GAP43: variants seen among roughly 807,000 people sequenced by gnomAD.
GAP43 encodes the protein growth associated protein 43.
Under a neutral mutation model 18.6 loss-of-function variants are expected in GAP43, and 6 were observed. The ratio of observed to expected loss-of-function variants is 0.32; its 90% confidence interval spans 0.18 to 0.64. The LOEUF is 0.64. Ranked by LOEUF, GAP43 falls within the 30% of genes least tolerant of loss-of-function variation. The pLI, the probability that GAP43 is intolerant of heterozygous loss-of-function variation, is 0.78. For missense variants in GAP43, 292 were observed against 295.5 expected (o/e 0.99, Z 0.09); for synonymous variants, 115 against 111.4 (o/e 1.03, Z -0.20).
chr3:115,686,865 C>T (rs1293234504), intron 2 of GAP43, among the ~76,000 whole-genome samples: 3 of 152,142 alleles, frequency 2.0e-5, no homozygotes, highest in African/African-American at 7.2e-5. Context: ...CTATTTCCTT[C>T]CCTCATACTA....
chr3:115,718,757 T>C (rs77075360), intron 2 of GAP43, among the ~76,000 whole-genome samples: 2,056 of 152,306 alleles, frequency 0.013, 51 homozygotes, highest in African/African-American at 0.048. Context: ...ACCAGACTAG[T>C]CTAGTTAGAT....
intron 2 of GAP43, among the ~76,000 whole-genome samples, chr3:115,719,715 G>A (rs549305270): frequency 2.6e-5 from 4 of 152,142 alleles, no homozygotes; most frequent in South Asian, 2.1e-4. Flanking sequence ...GTGTTTTTTC[G>A]CTGCAATAAA....
At chr3:115,660,805 T>A (rs550983357) in intron 1 of GAP43, among the ~76,000 whole-genome samples, 18 of 152,316 alleles carry the variant, frequency 1.2e-4, no homozygotes, top group African/African-American at 3.8e-4. Flanking sequence ...GTGGTGCAGA[T>A]GTTGCTGGTC....
At chr3:115,714,555 C>T (rs979393685) in intron 2 of GAP43, among the ~76,000 whole-genome samples, 2 of 151,990 alleles carry the variant, frequency 1.3e-5, no homozygotes, top group Admixed American at 6.6e-5. Flanking sequence ...TTAAGCCTCT[C>T]ATATAAATAA....
At chr3:115,630,769 G>A (rs1708251004) in intron 1 of GAP43, among the ~76,000 whole-genome samples, 1 of 152,116 alleles carries the variant, frequency 6.6e-6, no homozygotes, top group South Asian at 2.1e-4. Context: ...TTCTGATTAA[G>A]TAATACCAGT....
chr3:115,678,816 T>C (rs1708924293), intron 2 of GAP43, among the ~76,000 whole-genome samples: 1 of 151,634 alleles, frequency 6.6e-6, no homozygotes, highest in African/African-American at 2.4e-5. Context: ...TTTACAGTGT[T>C]TCTTAGAGTT....
At chr3:115,671,084 A>T (rs1708810417) in intron 1 of GAP43, among the ~76,000 whole-genome samples, 2 of 152,338 alleles carry the variant, frequency 1.3e-5, no homozygotes, top group South Asian at 4.1e-4. Context: ...GATAACTGGG[A>T]AAAGTGAAAT....
At chr3:115,680,903 T>C (rs1708951639) in intron 2 of GAP43, among the ~76,000 whole-genome samples, 2 of 152,188 alleles carry the variant, frequency 1.3e-5, no homozygotes, top group African/African-American at 4.8e-5. Context: ...TTCCAAAAGA[T>C]AGGTCCACTT....
chr3:115,681,499 T>C (rs1282148712), intron 2 of GAP43, among the ~76,000 whole-genome samples: 1 of 152,128 alleles, frequency 6.6e-6, no homozygotes, highest in Non-Finnish European at 1.5e-5. Context: ...CTACCTGCCT[T>C]GTAATATAAT....
At chr3:115,678,136 T>A (rs1284427616) in intron 2 of GAP43, among the ~76,000 whole-genome samples, 1 of 152,314 alleles carries the variant, frequency 6.6e-6, no homozygotes, top group South Asian at 2.1e-4. Flanking sequence ...GGGTGTGGGT[T>A]TTAATTTACT....
intron 2 of GAP43, among the ~76,000 whole-genome samples, chr3:115,678,662 T>C (rs1708922787): frequency 6.6e-6 from 1 of 152,168 alleles, no homozygotes; most frequent in African/African-American, 2.4e-5. Flanking sequence ...GTCTGGTCAG[T>C]GAAAGCAAAC....
intron 2 of GAP43, among the ~76,000 whole-genome samples, chr3:115,702,295 C>T (rs1709306005): frequency 6.6e-6 from 1 of 151,992 alleles, no homozygotes. Context: ...TAATATAAAT[C>T]AGGTGGTTAC....
chr3:115,703,304 T>G (rs1709319372), intron 2 of GAP43, among the ~76,000 whole-genome samples: 1 of 152,088 alleles, frequency 6.6e-6, no homozygotes, highest in Non-Finnish European at 1.5e-5. Flanking sequence ...GTTTGTAACT[T>G]TATGAGGAAA....
intron 1 of GAP43, among the ~76,000 whole-genome samples, chr3:115,658,345 T>A (rs1015815118): frequency 5.3e-5 from 8 of 152,176 alleles, no homozygotes. Flanking sequence ...GTTTCCCTTC[T>A]CCAAGTCAGG....
chr3:115,674,939 C>T lies in GAP43; in HGVS notation c.31-1074C>T, dbSNP rs534905461. On this transcript the variant is annotated intron_variant, in intron 1 of 2. Coordinates refer to ENST00000305124, the MANE Select transcript of GAP43 (RefSeq NM_002045.4). Reference sequence around the variant, plus strand: ...GGCTTAAAACTTGGGGGAAAGTAGACTTTTGCAAAATATTTTTTTAAACCA... The same window carrying T: ...GGCTTAAAACTTGGGGGAAAGTAGATTTTTGCAAAATATTTTTTTAAACCA... 2.6e-5 allele frequency among the ~76,000 whole-genome samples: 4 copies of T among 152,302 alleles called. No individual in the cohort carries two copies. In the East Asian group the frequency reaches 7.7e-4, roughly 29 times the overall value.
At chr3:115,698,024 C>T (rs72491129) in intron 2 of GAP43, among the ~76,000 whole-genome samples, 1,515 of 83,396 alleles carry the variant, frequency 0.018, 55 homozygotes, top group East Asian at 0.087. Flanking sequence ...AAATATATAA[C>T]ATGTATATAA....
intron 2 of GAP43, among the ~76,000 whole-genome samples, chr3:115,703,733 A>G (rs1008890008): frequency 6.6e-6 from 1 of 152,094 alleles, no homozygotes; most frequent in Non-Finnish European, 1.5e-5. Context: ...TGATTTTTCA[A>G]ATGGCTGTAT....
chr3:115,712,337 A>G (rs2107376370), intron 2 of GAP43, among the ~76,000 whole-genome samples: 1 of 152,306 alleles, frequency 6.6e-6, no homozygotes, highest in Middle Eastern at 3.4e-3. Context: ...GTCAGACTTT[A>G]CAGAAACATT....
intron 2 of GAP43, among the ~76,000 whole-genome samples, chr3:115,683,116 C>A: frequency 7.8e-6 from 1 of 127,548 alleles, no homozygotes; most frequent in Admixed American, 8.1e-5. Flanking sequence ...TTTTTCTCTA[C>A]ATACATGTGC....
Sources: gnomAD v4.1 joint callset for allele counts (sites outside exome capture counted in the v4.1 genomes callset) on GRCh38, gnomAD v4.1.1 for gene constraint, MANE v1.5 for transcripts, NCBI Gene and HGNC (gene_info 2026-07-23, HGNC 2026-07-21) for gene names.